Variants in ESRRG observed in about 807,000 individuals in gnomAD.
ESRRG encodes the protein estrogen related receptor gamma.
ESRRG carries 13 observed loss-of-function variants against 44.0 expected under a neutral mutation model. The ratio of observed to expected loss-of-function variants is 0.30; its 90% CI spans 0.19 to 0.47. The LOEUF (loss-of-function observed/expected upper bound fraction) is 0.47. Ranked by LOEUF, ESRRG falls within the 20% of genes least tolerant of loss-of-function variation. The pLI is 1.00. For missense variants in ESRRG, 395 were observed against 580.6 expected (o/e 0.68, Z 3.29); for synonymous variants, 215 against 214.6 (o/e 1.00, Z -0.02).
chr1:216,714,835 G>T (rs541370930), intron 1 of ESRRG, among the ~76,000 whole-genome samples: 2 of 152,060 alleles, frequency 1.3e-5, no homozygotes, highest in African/African-American at 2.4e-5. Context: ...TGGCTCATAC[G>T]AATTGAAAGA....
At chr1:216,719,705 T>TA (rs1486427122) in intron 1 of ESRRG, among the ~76,000 whole-genome samples, 1 of 151,980 alleles carries the variant, frequency 6.6e-6, no homozygotes. Context: ...AATGATACCT[T>TA]ATTTGGGGAA....
chr1:216,804,001 C>A (rs1236286264), intron 2 of ESRRG, among the ~76,000 whole-genome samples: 1 of 146,464 alleles, frequency 6.8e-6, no homozygotes, highest in Non-Finnish European at 1.5e-5. Context: ...CATCTGCCCT[C>A]CCTTTCCAAA....
chr1:216,888,276 C>T (rs2057313145), intron 2 of ESRRG, among the ~76,000 whole-genome samples: 1 of 152,160 alleles, frequency 6.6e-6, no homozygotes. Context: ...CAATTCTGGG[C>T]TTCCTTTTCC....
chr1:216,736,976 T>A (rs537758770), intron 2 of ESRRG, among the ~76,000 whole-genome samples: 163 of 152,196 alleles, frequency 1.1e-3, no homozygotes, highest in Non-Finnish European at 1.7e-3. Flanking sequence ...TATTCATATA[T>A]TCTCCACCCC....
chr1:216,803,170 G>C (rs1341149024), intron 2 of ESRRG, among the ~76,000 whole-genome samples: 1 of 152,016 alleles, frequency 6.6e-6, no homozygotes, highest in Non-Finnish European at 1.5e-5. Context: ...GATGTGGAGG[G>C]AACGGAATGC....
intron 2 of ESRRG, among the ~76,000 whole-genome samples, chr1:216,827,971 G>C (rs1019437639): frequency 6.6e-6 from 1 of 152,174 alleles, no homozygotes; most frequent in Admixed American, 6.6e-5. Flanking sequence ...GAAAAATTGT[G>C]AACTTCTGAA....
chr1:217,057,234 C>T (rs2087312919), intron 1 of ESRRG, among the ~76,000 whole-genome samples: 2 of 152,202 alleles, frequency 1.3e-5, no homozygotes, highest in South Asian at 4.2e-4. Context: ...CCATATCTAC[C>T]ATATTTTTAA....
chr1:216,853,700 T>C (rs956304147), intron 2 of ESRRG, among the ~76,000 whole-genome samples: 2 of 152,154 alleles, frequency 1.3e-5, no homozygotes, highest in Non-Finnish European at 2.9e-5. Context: ...CATTCCTTAT[T>C]CCCCAAGTGC....
chr1:216,513,094 T>C (rs762172480), intron 6 of ESRRG, among the ~76,000 whole-genome samples: 10 of 152,196 alleles, frequency 6.6e-5, no homozygotes, highest in Non-Finnish European at 1.3e-4. Flanking sequence ...TAAATATGTG[T>C]CATTTAAAGC....
chr1:216,881,051 T>C (rs2096438855), intron 2 of ESRRG, among the ~76,000 whole-genome samples: 1 of 152,128 alleles, frequency 6.6e-6, no homozygotes. Context: ...AAGAAAAAAA[T>C]GCATAAATTA....
At chr1:216,794,159 A>G (rs1051172223) in intron 2 of ESRRG, among the ~76,000 whole-genome samples, 3 of 152,108 alleles carry the variant, frequency 2.0e-5, no homozygotes, top group African/African-American at 7.2e-5. Context: ...CATGATTACA[A>G]ACTAAAACTT....
chr1:216,943,700 G>A (rs2065630406), intron 1 of ESRRG, among the ~76,000 whole-genome samples: 1 of 152,102 alleles, frequency 6.6e-6, no homozygotes, highest in Non-Finnish European at 1.5e-5. Flanking sequence ...TTTAAAAGGG[G>A]AAACACACAT....
chr1:216,830,838 A>C (rs2095475981), intron 2 of ESRRG, among the ~76,000 whole-genome samples: 1 of 152,190 alleles, frequency 6.6e-6, no homozygotes. Flanking sequence ...AGGAAAAAAA[A>C]AGGGATGCTT....
At chr1:217,137,273 A>G (rs1342275916) in intron 1 of ESRRG, among the ~76,000 whole-genome samples, 2 of 152,220 alleles carry the variant, frequency 1.3e-5, no homozygotes, top group East Asian at 1.9e-4. Flanking sequence ...GCTGCCCACC[A>G]GTTACCTCCT....
intron 2 of ESRRG, among the ~76,000 whole-genome samples, chr1:216,767,986 A>G (rs1223641912): frequency 1.3e-5 from 2 of 152,164 alleles, no homozygotes; most frequent in Non-Finnish European, 2.9e-5. Flanking sequence ...CTTTGCACCT[A>G]CCCACATTGT....
intron 1 of ESRRG, among the ~76,000 whole-genome samples, chr1:217,097,402 A>G (rs1026471281): frequency 6.6e-6 from 1 of 152,178 alleles, no homozygotes. Context: ...TTAAAACTCA[A>G]AGGCTGACTT....
chr1:216,994,295 G>C (rs369413499), intron 1 of ESRRG, among the ~76,000 whole-genome samples: 1 of 152,194 alleles, frequency 6.6e-6, no homozygotes, highest in Non-Finnish European at 1.5e-5. Context: ...TGGAAGATGA[G>C]TTAGTAGCTC....
chr1:216,719,417 C>A (rs2085670843), intron 1 of ESRRG, among the ~76,000 whole-genome samples: 1 of 151,810 alleles, frequency 6.6e-6, no homozygotes, highest in Non-Finnish European at 1.5e-5. Flanking sequence ...AAGAAAAAAA[C>A]TGATTAAAAT....
Position 216,883,914 on chromosome 1 carries a change from C to A in ESRRG, c.-14+55668G>T, listed in dbSNP as rs115931126. 8.6e-3 allele frequency among the ~76,000 whole-genome samples: 1,307 copies of A among 152,250 alleles called. 15 individuals carry two copies. The highest frequency in any genetic ancestry group is 0.03 in the African/African-American group (1,263 of 41,530). On this transcript the variant is annotated intron_variant, in intron 2 of 7. Coordinates refer to the ESRRG transcript ENST00000359162. ...ATTGGCCATGTGATCCTGATGGCGT[C>A]CTGCTAATGGGCTGTTCACTTAATT...
Sources: allele counts gnomAD v4.1 joint callset (sites outside exome capture counted in the v4.1 genomes callset), GRCh38; gene constraint gnomAD v4.1.1; transcripts MANE v1.5; gene names NCBI Gene and HGNC (gene_info 2026-07-23, HGNC 2026-07-21).